Variants in PRKAG3 observed in about 807,000 individuals in gnomAD.
PRKAG3 encodes protein kinase AMP-activated non-catalytic subunit gamma 3.
PRKAG3 carries 39 observed loss-of-function variants against 56.5 expected under a neutral mutation model. The observed-to-expected ratio is 0.69, with a 90% CI of 0.53 to 0.90. PRKAG3 has a LOEUF of 0.90. Ranked by LOEUF, PRKAG3 falls within the 40% of genes least tolerant of loss-of-function variation. The pLI, the probability that PRKAG3 is intolerant of heterozygous loss-of-function variation, is 0.00. For synonymous variants in PRKAG3, 243 were observed against 250.1 expected (o/e 0.97, Z 0.27); for missense variants, 628 against 627.5 (o/e 1.00, Z -0.01).
exon 4 of PRKAG3, chr2:218,830,001 C>T: frequency 1.9e-6 from 3 of 1,613,804 alleles, no homozygotes; most frequent in Non-Finnish European, 2.5e-6. Flanking sequence ...TCGAAGATGA[C>T]TAGCTTGGAG....
intron 3 of PRKAG3, 42 bp downstream of exon 3, chr2:218,830,703 AC>A (rs758233870): frequency 6.3e-7 from 1 of 1,596,446 alleles, no homozygotes; most frequent in Non-Finnish European, 8.5e-7. Flanking sequence ...GGGATTTCCC[AC>A]TCCCCTGGCT....
intron 10 of PRKAG3, among the ~76,000 whole-genome samples, chr2:218,825,540 C>T (rs1484440678): frequency 4.0e-5 from 6 of 151,270 alleles, no homozygotes; most frequent in Non-Finnish European, 1.5e-5. Context: ...CCCAGCTACT[C>T]AGGAGGCTGA....
At chr2:218,828,904 G>T (rs536430829) in intron 4 of PRKAG3, among the ~76,000 whole-genome samples, 1 of 152,332 alleles carries the variant, frequency 6.6e-6, no homozygotes, top group Non-Finnish European at 1.5e-5. Context: ...TCCATTTGGA[G>T]GGTATGTGTG....
At position 218,831,727 on chromosome 2, in the gene PRKAG3, G is replaced by C; in HGVS notation, c.33+11C>G. 6.2e-7 allele frequency: 1 copy of C among 1,610,222 alleles called. No homozygotes were observed. The highest frequency in any genetic ancestry group is 1.1e-5 in the South Asian group (1 of 89,840). ...GCTGCCCCGGCTCCGGCTCCCCTGG[G>C]ACCCCCATACCCTGCGCAGTGCGTG... is the stretch of plus-strand genomic sequence containing the variant. On this transcript the variant is annotated intron_variant, in intron 1 of 12. Transcript: ENST00000529249.
chr2:218,824,561 A>G, exon 11 of PRKAG3: 1 of 1,613,012 alleles, frequency 6.2e-7, no homozygotes, highest in Non-Finnish European at 8.5e-7. Context: ...GCGGGAATAG[A>G]GGCCCACGAC....
chr2:218,825,792 C>G (rs1943923643), intron 10 of PRKAG3, among the ~76,000 whole-genome samples: 1 of 143,106 alleles, frequency 7.0e-6, no homozygotes, highest in African/African-American at 2.6e-5. Flanking sequence ...GAGTCTCGCT[C>G]TGTTGCCAGG....
intron 10 of PRKAG3, among the ~76,000 whole-genome samples, chr2:218,825,490 C>A (rs1486691241): frequency 6.6e-6 from 1 of 151,878 alleles, no homozygotes; most frequent in East Asian, 1.9e-4. Flanking sequence ...TAAAAATACC[C>A]CCCAAAAATT....
In PRKAG3 at chr2:218,827,384, G is replaced by T. The variant is rs74411175; in HGVS notation, c.876-11C>A. 6.4e-3 allele frequency: 10,287 copies of T among 1,614,026 alleles called. 578 individuals are homozygous for T. The African/African-American group carries it at 0.12, about 18-fold the overall frequency. On this transcript the variant is annotated splice_polypyrimidine_tract_variant and intron_variant, in intron 8 of 12. Coordinates refer to ENST00000529249, the Ensembl canonical transcript of PRKAG3. The surrounding 1 kb of genome is among the most constrained non-coding windows in gnomAD (Gnocchi z 5.3). ...ACAGCTTCAAACAGGCTGCAGAGAT[G>T]GGAGCAGTGAGCCTCGGGGCAGCCT...
At chr2:218,823,177 GC>G, downstream of PRKAG3, 1 of 552,408 alleles carries the variant, frequency 1.8e-6, no homozygotes, top group African/African-American at 2.1e-5. Flanking sequence ...TGGAATCTGT[GC>G]CCATCCTCTG....
chr2:218,826,677 C>T, intron 10 of PRKAG3: 1 of 518,362 alleles, frequency 1.9e-6, no homozygotes, highest in Non-Finnish European at 3.5e-6. Flanking sequence ...ATGCACATAA[C>T]CTTTTAAATC....
chr2:218,830,625 A>G, intron 3 of PRKAG3, 121 bp downstream of exon 3: 1 of 1,312,400 alleles, frequency 7.6e-7, no homozygotes, highest in Non-Finnish European at 1.0e-6. Flanking sequence ...TGAGGCCACA[A>G]GATGAAGGTT....
chr2:218,828,761 C>T (rs116310648), intron 4 of PRKAG3, among the ~76,000 whole-genome samples, 161 bp from the exon 5 acceptor site: 2,038 of 152,260 alleles, frequency 0.013, 49 homozygotes, highest in African/African-American at 0.046. Flanking sequence ...CACCAGCTGG[C>T]CTGTCTTCCT....
chr2:218,826,565 C>G (rs1943935228), intron 10 of PRKAG3: 2 of 337,596 alleles, frequency 5.9e-6, no homozygotes, highest in Non-Finnish European at 1.2e-5. Flanking sequence ...GCTCTGGCCT[C>G]TCTCAAAGGG....
intron 10 of PRKAG3, among the ~76,000 whole-genome samples, chr2:218,826,120 C>T (rs1292364485): frequency 6.6e-6 from 1 of 152,114 alleles, no homozygotes; most frequent in African/African-American, 2.4e-5. Context: ...GACATGATGT[C>T]TGTAATTTAC....
rs765145702 is a variant in PRKAG3 at position 218,826,891 on chromosome 2, C to A, written c.1168+37G>T. ...CTCCCCACCAGGTTCTCCCAGGCCC[C>A]AGCCCAGCCCGAGCCTCTCATCCTG... is the stretch of plus-strand genomic sequence containing the variant. On this transcript the variant is annotated intron_variant, in intron 10 of 12. Transcript: ENST00000529249. 19 of 1,612,716 alleles carry A rather than the reference C, an allele frequency of 1.2e-5. No individual in the cohort carries two copies. The East Asian group carries it at 3.6e-4, about 30-fold the overall frequency.
intron 5 of PRKAG3, 36 bp downstream of exon 5, chr2:218,828,483 C>T (rs780250672): frequency 8.6e-5 from 135 of 1,576,014 alleles, no homozygotes; most frequent in East Asian, 1.1e-4. Flanking sequence ...CCCCTCACCT[C>T]CTCCATCTCC....
Position 218,831,339 on chromosome 2 carries a change from G to A in PRKAG3, c.70C>T (p.Gln24Ter). 6.3e-7 allele frequency: 1 copy of A among 1,598,170 alleles called. No individual in the cohort carries two copies. The highest frequency in any genetic ancestry group is 8.5e-7 in the Non-Finnish European group (1 of 1,171,476). ...AGGGAGGGGGCATTCTCCCTACCTT[G>A]ATGCTCAGAACCCCCAAGGCTGCTC... The change falls in exon 2 of 13, where the codon CAA (glutamine) becomes TAA (stop). Residue 24 changes from glutamine (Q) to a stop codon, truncating the protein, a stop_gained. Coordinates refer to ENST00000529249, the Ensembl canonical transcript of PRKAG3. LOFTEE classifies it high-confidence loss of function.
At position 218,827,765 on chromosome 2, in the gene PRKAG3, C is replaced by A; in HGVS notation, c.820+68G>T. 1.3e-6 allele frequency: 2 copies of A among 1,574,612 alleles called. No individual in the cohort carries two copies. The highest frequency in any genetic ancestry group is 1.7e-6 in the Non-Finnish European group (2 of 1,146,046). ...GTTCACTCCAGGACATCCCCACTGCCCATCCTCCACCTTAAGCCCTGGCCC... is the reference window on the plus strand; with the variant it reads ...GTTCACTCCAGGACATCCCCACTGCACATCCTCCACCTTAAGCCCTGGCCC... On this transcript the variant is annotated intron_variant, in intron 7 of 12. Transcript: ENST00000529249. The surrounding 1 kb of genome is among the most constrained non-coding windows in gnomAD (Gnocchi z 5.3).
At chr2:218,824,514 A>G (rs1943903046) in intron 11 of PRKAG3, 25 bp downstream of exon 11, 2 of 1,608,788 alleles carry the variant, frequency 1.2e-6, no homozygotes. Flanking sequence ...TCCCTGCAGC[A>G]TCCCACCTTT....
Sources: gnomAD v4.1 joint callset for allele counts (sites outside exome capture counted in the v4.1 genomes callset) on GRCh38, gnomAD v4.1.1 for gene constraint, Gnocchi (gnomAD v3.1) non-coding constraint, MANE v1.5 for transcripts, NCBI Gene and HGNC (gene_info 2026-07-23, HGNC 2026-07-21) for gene names.